Variants in HDAC4 observed in about 807,000 individuals in gnomAD.
The protein encoded by HDAC4 is histone deacetylase A.
HDAC4 carries 16 observed loss-of-function variants against 135.1 expected under a neutral mutation model. The observed-to-expected ratio is 0.12, with a 90% CI of 0.08 to 0.18. The LOEUF (loss-of-function observed/expected upper bound fraction) is 0.18, where lower values mean the gene tolerates loss of function less well. Among genes scored for constraint, HDAC4 ranks in the 10% least tolerant of loss-of-function variants. The pLI, the probability that HDAC4 is intolerant of heterozygous loss-of-function variation, is 1.00. For missense variants in HDAC4, 1,143 were observed against 1,511.8 expected (o/e 0.76, Z 4.05); for synonymous variants, 685 against 653.4 (o/e 1.05, Z -0.74).
chr2:239,207,262 G>A (rs910998329), intron 3 of HDAC4, among the ~76,000 whole-genome samples: 1 of 152,122 alleles, frequency 6.6e-6, no homozygotes, highest in African/African-American at 2.4e-5. Context: ...GAGGAAACTT[G>A]GTAGCCTTAA....
At chr2:239,296,115 A>G (rs894687836) in intron 2 of HDAC4, among the ~76,000 whole-genome samples, 2 of 152,248 alleles carry the variant, frequency 1.3e-5, no homozygotes, top group Non-Finnish European at 2.9e-5. Flanking sequence ...CAGCAAGAAA[A>G]GGGGAGCACC....
intron 14 of HDAC4, among the ~76,000 whole-genome samples, chr2:239,109,213 G>A (rs1354070653): frequency 6.6e-6 from 1 of 152,254 alleles, no homozygotes; most frequent in African/African-American, 2.4e-5. Flanking sequence ...GGCCAGGCTG[G>A]GTGAACAGAC....
intron 3 of HDAC4, among the ~76,000 whole-genome samples, chr2:239,229,679 G>T (rs2047430288): frequency 6.6e-6 from 1 of 152,184 alleles, no homozygotes; most frequent in Non-Finnish European, 1.5e-5. Context: ...GAAGTAGGGT[G>T]AGGACCTCAC....
rs2279274 is a variant in HDAC4 at position 239,095,128 on chromosome 2, A to G, written c.2234-72T>C. 328,989 of 1,536,760 alleles carry G rather than the reference A, an allele frequency of 0.21. 36,504 individuals carry two copies. Among genetic ancestry groups the G allele is most frequent in the Admixed American group, 0.33 (19,440 of 59,458 alleles). On this transcript the variant is annotated intron_variant, in intron 16 of 26. Coordinates refer to ENST00000543185, the MANE Select transcript of HDAC4 (RefSeq NM_001378414.1). Reference sequence around the variant, plus strand: ...AAGGTGCTCGACAGGCCCTGGGCGCACTCCGGGGTCTTCAGTGGCACTTGG... The same window carrying G: ...AAGGTGCTCGACAGGCCCTGGGCGCGCTCCGGGGTCTTCAGTGGCACTTGG...
chr2:239,320,256 C>G (rs1045332566), intron 2 of HDAC4, among the ~76,000 whole-genome samples: 1 of 151,822 alleles, frequency 6.6e-6, no homozygotes, highest in African/African-American at 2.4e-5. Flanking sequence ...GTGGGAGGCG[C>G]CTGTAATCCC....
chr2:239,365,613 A>C (rs1223233702), intron 1 of HDAC4, among the ~76,000 whole-genome samples: 2 of 151,878 alleles, frequency 1.3e-5, no homozygotes, highest in African/African-American at 2.4e-5. Flanking sequence ...GGCCAGGGTC[A>C]TCAGGGTCAT....
At chr2:239,276,901 C>T (rs1057229744) in intron 2 of HDAC4, among the ~76,000 whole-genome samples, 1 of 152,180 alleles carries the variant, frequency 6.6e-6, no homozygotes, top group African/African-American at 2.4e-5. Flanking sequence ...GTCACCGTGC[C>T]ACAAAATCCC....
chr2:239,192,511 C>G (rs139577875), intron 3 of HDAC4, among the ~76,000 whole-genome samples: 1 of 152,148 alleles, frequency 6.6e-6, no homozygotes, highest in African/African-American at 2.4e-5. Flanking sequence ...TCAGCAAACT[C>G]GCAAACTCGG....
rs907777290 is a variant in HDAC4, at chr2:239,262,567, G to C, written c.23-25903C>G. ...ACTGATCTCTACTCTGAGGGGGCCA[G>C]AGCCTGGCTCTGACACTCTTGGCCA... is the stretch of plus-strand genomic sequence containing the variant. On this transcript the variant is annotated intron_variant, in intron 2 of 26. Transcript: ENST00000543185. This position sits in a 1 kb window ranked among gnomAD's most constrained non-coding sequence, Gnocchi z 4.1. Among the ~76,000 whole-genome samples the C allele has an allele frequency of 3.3e-5, 5 of 152,230 alleles. No individual in the cohort carries two copies. Among genetic ancestry groups the C allele is most frequent in the African/African-American group, 4.8e-5 (2 of 41,456 alleles).
intron 18 of HDAC4, among the ~76,000 whole-genome samples, chr2:239,088,969 G>A (rs1007469825): frequency 6.6e-6 from 1 of 152,082 alleles, no homozygotes; most frequent in Non-Finnish European, 1.5e-5. Flanking sequence ...ACCAACGCAC[G>A]GTGCTACCAA....
intron 24 of HDAC4, chr2:239,055,297 G>A (rs2031640950): frequency 4.2e-6 from 1 of 235,810 alleles, no homozygotes; most frequent in Non-Finnish European, 8.5e-6. Context: ...GAAGTAGTCA[G>A]ATCTCTCAGA....
intron 8 of HDAC4, among the ~76,000 whole-genome samples, chr2:239,142,092 A>C (rs2041415064): frequency 2.0e-5 from 3 of 152,228 alleles, no homozygotes; most frequent in African/African-American, 7.2e-5. Flanking sequence ...GGTGTGAGGA[A>C]GGCACAGAAC....
At chr2:239,189,227 C>T (rs2044741638) in intron 4 of HDAC4, among the ~76,000 whole-genome samples, 1 of 152,180 alleles carries the variant, frequency 6.6e-6, no homozygotes, top group Non-Finnish European at 1.5e-5. Flanking sequence ...ATATTATAAT[C>T]ACAGATATCA....
At chr2:239,325,447 G>A (rs569703049) in intron 2 of HDAC4, among the ~76,000 whole-genome samples, 5 of 152,102 alleles carry the variant, frequency 3.3e-5, no homozygotes, top group Admixed American at 3.3e-4. Context: ...ATATGCCAAC[G>A]GCCAATAGGT....
At chr2:239,180,853 C>A (rs928455758) in intron 4 of HDAC4, among the ~76,000 whole-genome samples, 1 of 152,238 alleles carries the variant, frequency 6.6e-6, no homozygotes. Flanking sequence ...CTGAGGCTGC[C>A]CCAGCCTCCA....
chr2:239,356,316 A>G (rs887271489), intron 1 of HDAC4, among the ~76,000 whole-genome samples: 2 of 152,240 alleles, frequency 1.3e-5, no homozygotes, highest in Non-Finnish European at 1.5e-5. Context: ...TATATCAGTG[A>G]GCATATCAAA....
rs2048401457 is a variant in HDAC4 at position 239,245,269 on chromosome 2, G to C, written c.23-8605C>G. Among the ~76,000 whole-genome samples the C allele has an allele frequency of 2.0e-5, 3 of 152,186 alleles. No individual in the cohort carries two copies. The highest frequency in any genetic ancestry group is 2.0e-4 in the Admixed American group (3 of 15,286). On this transcript the variant is annotated intron_variant, in intron 2 of 26. Transcript: ENST00000543185. This position sits in a 1 kb window ranked among gnomAD's most constrained non-coding sequence, Gnocchi z 4.4. ...AGGAAGTACGGGTTTGGCAGAACCT[G>C]CTAAAGGACACTGGATTGGCTATGA...
chr2:239,398,817 G>A (rs540326892), intron 1 of HDAC4, among the ~76,000 whole-genome samples: 3 of 152,260 alleles, frequency 2.0e-5, no homozygotes, highest in African/African-American at 4.8e-5. Context: ...CCTCCACCCC[G>A]TCCCCTTAGC....
intron 2 of HDAC4, among the ~76,000 whole-genome samples, chr2:239,251,260 A>T (rs772972328): frequency 1.3e-5 from 2 of 152,264 alleles, no homozygotes; most frequent in Non-Finnish European, 2.9e-5. Flanking sequence ...AGACACACAG[A>T]TGCCACCACA....
Sources: allele counts gnomAD v4.1 joint callset (sites outside exome capture counted in the v4.1 genomes callset), GRCh38; gene constraint gnomAD v4.1.1; non-coding constraint Gnocchi (gnomAD v3.1); transcripts MANE v1.5; gene names NCBI Gene and HGNC (gene_info 2026-07-23, HGNC 2026-07-21).